Variants in PLEKHH2 observed in about 807,000 individuals in gnomAD.
The protein encoded by PLEKHH2 is pleckstrin homology, MyTH4 and FERM domain containing H2.
A neutral mutation model predicts 187.9 loss-of-function variants in PLEKHH2; 129 were observed. The observed-to-expected ratio is 0.69, with a 90% CI of 0.59 to 0.79. The LOEUF is 0.79. PLEKHH2 is among the 30% of genes least tolerant of loss of function. The pLI, the probability that PLEKHH2 is intolerant of heterozygous loss-of-function variation, is 0.00. For synonymous variants in PLEKHH2, 686 were observed against 605.6 expected, an observed-to-expected ratio of 1.13 and a Z score of -1.95; for missense variants, 2,076 against 1,751.2, an observed-to-expected ratio of 1.19 and a Z score of -3.31.
At position 43,738,197 on chromosome 2, in the gene PLEKHH2, A is replaced by T. The variant is rs1352671080; in HGVS notation, c.2944-144A>T. 4.8e-6 allele frequency: 3 copies of T among 619,346 alleles called. No individual in the cohort carries two copies. In the East Asian group the frequency reaches 9.0e-5, roughly 18 times the overall value. The allele number at this position is 619,346 out of a possible 1,614,324, so 38.4% of individuals were successfully genotyped here. On this transcript the variant is annotated intron_variant, in intron 19 of 29. Coordinates refer to ENST00000282406, the MANE Select transcript of PLEKHH2 (RefSeq NM_172069.4). ...TCTGCTATTATTGTGGCGATTCCAG[A>T]TTTCTTTTGATTAGTGTTATCATAA...
intron 4 of PLEKHH2, among the ~76,000 whole-genome samples, chr2:43,694,080 C>T (rs529328132): frequency 6.6e-6 from 1 of 152,134 alleles, no homozygotes; most frequent in Admixed American, 6.5e-5. Context: ...AGCCATGCCC[C>T]TAAGGAGAGT....
intron 4 of PLEKHH2, 81 bp from the exon 5 acceptor site, chr2:43,694,350 A>G: frequency 2.1e-6 from 3 of 1,412,460 alleles, no homozygotes; most frequent in Non-Finnish European, 2.8e-6. Context: ...TTAAGTGGAT[A>G]TGCCTTGTAT....
chr2:43,710,788 C>G (rs1669927350), intron 14 of PLEKHH2: 5 of 1,335,894 alleles, frequency 3.7e-6, no homozygotes, highest in Non-Finnish European at 4.8e-6. Context: ...TCCCACCACA[C>G]TTTACCTTTC....
At position 43,645,044 on chromosome 2, in the gene PLEKHH2, A is replaced by T. The variant is rs75393496; in HGVS notation, c.123+248A>T. ...GGTGAATGTAGAGTTCATTCATTCC[A>T]GAGAGAAAGCTATAATTTATTTGAT... On this transcript the variant is annotated intron_variant, in intron 2 of 29. Transcript: ENST00000282406. Among the ~76,000 whole-genome samples the T allele has an allele frequency of 6.6e-3, 1,002 of 152,250 alleles. 13 individuals are homozygous for T. Among genetic ancestry groups the T allele is most frequent in the African/African-American group, 0.023 (937 of 41,564 alleles).
intron 26 of PLEKHH2, 130 bp downstream of exon 26, chr2:43,757,394 C>T: frequency 1.5e-6 from 1 of 675,832 alleles, no homozygotes; most frequent in Non-Finnish European, 2.2e-6. Flanking sequence ...ATGATTGAGC[C>T]ACAGGAGATT....
intron 25 of PLEKHH2, among the ~76,000 whole-genome samples, chr2:43,756,664 C>G (rs10166627): frequency 0.018 from 2,790 of 152,106 alleles, 75 homozygotes; most frequent in African/African-American, 0.064. Flanking sequence ...AGAATTCAAG[C>G]CAGGCGGTGG....
intron 14 of PLEKHH2, chr2:43,710,907 A>T (rs886080787): frequency 3.7e-6 from 4 of 1,080,258 alleles, no homozygotes; most frequent in Non-Finnish European, 4.5e-6. Flanking sequence ...TCTCAATAAG[A>T]TGTTAGTTAT....
chr2:43,701,998 A>T (rs975241201), intron 8 of PLEKHH2, among the ~76,000 whole-genome samples: 1 of 152,124 alleles, frequency 6.6e-6, no homozygotes, highest in Non-Finnish European at 1.5e-5. Flanking sequence ...TGAATGCCTG[A>T]CTTCAGGTGA....
intron 2 of PLEKHH2, chr2:43,676,372 GGTCCTGGGGTCCCGCGCCTT>G: frequency 6.9e-7 from 1 of 1,442,936 alleles, no homozygotes; most frequent in South Asian, 1.4e-5. Context: ...CCTGGGACCG[GGTCCTGGGGTCCCGCGCCTT>G]CCGGAGCTGG....
intron 21 of PLEKHH2, 92 bp downstream of exon 21, chr2:43,741,135 T>C: frequency 8.7e-7 from 1 of 1,155,518 alleles, no homozygotes; most frequent in Non-Finnish European, 1.2e-6. Context: ...AGGTACATTT[T>C]CAGAAGAATG....
Position 43,757,281 on chromosome 2 carries a change from A to G in PLEKHH2, c.3941+17A>G, listed in dbSNP as rs760583544. On this transcript the variant is annotated intron_variant, in intron 26 of 29. Coordinates refer to ENST00000282406, the MANE Select transcript of PLEKHH2 (RefSeq NM_172069.4). ...GCAGTTAAGGTAAGGAAATCTTTGTAACTCTTTATAGGGTAGGGTCATACT... is the reference window on the plus strand; with the variant it reads ...GCAGTTAAGGTAAGGAAATCTTTGTGACTCTTTATAGGGTAGGGTCATACT... The G allele has an allele frequency of 6.5e-7, 1 of 1,533,152 alleles. No homozygotes were observed. Among genetic ancestry groups the G allele is most frequent in the Non-Finnish European group, 8.7e-7 (1 of 1,145,602 alleles). The allele number at this position is 1,533,152 out of a possible 1,614,324, so 95.0% of individuals were successfully genotyped here.
In PLEKHH2 at chr2:43,676,367, G is replaced by C. The variant is rs115406269; in HGVS notation, c.124-2496G>C. 2,767 of 1,493,652 alleles carry C rather than the reference G, an allele frequency of 1.9e-3. 61 individuals carry two copies. The African/African-American group carries it at 0.035, about 19-fold the overall frequency. The allele number at this position is 1,493,652 out of a possible 1,614,324, so 92.5% of individuals were successfully genotyped here. On this transcript the variant is annotated intron_variant, in intron 2 of 29. Transcript: ENST00000282406. ...TGTGCCAGGGTCAAAGGCAGCCTGGGACCGGGTCCTGGGGTCCCGCGCCTT... is the reference window on the plus strand; with the variant it reads ...TGTGCCAGGGTCAAAGGCAGCCTGGCACCGGGTCCTGGGGTCCCGCGCCTT...
intron 24 of PLEKHH2, among the ~76,000 whole-genome samples, chr2:43,748,685 C>A (rs1243527473): frequency 1.3e-5 from 2 of 152,216 alleles, no homozygotes; most frequent in Admixed American, 1.3e-4. Flanking sequence ...GCCTCTTGGC[C>A]TCAGCCTTTG....
intron 2 of PLEKHH2, 89 bp downstream of exon 2, chr2:43,644,885 T>G: frequency 7.5e-7 from 1 of 1,337,920 alleles, no homozygotes; most frequent in Non-Finnish European, 1.0e-6. Context: ...CTTTGGGGGT[T>G]TGATTTAATT....
At position 43,758,982 on chromosome 2, in the gene PLEKHH2, G is replaced by A. The variant is rs142844253; in HGVS notation, c.4024G>A (p.Val1342Ile). Residue 1342 changes from valine (V) to isoleucine (I), a missense_variant, in exon 27 of 30, where the codon GTA (valine) becomes ATA (isoleucine). By Grantham distance (29) the Val-to-Ile change is conservative (BLOSUM62 3). Transcript: ENST00000282406. ...TGACTGTGTGCGCATTTATTTGACA[G>A]TAGCCAGGAAGTGGCCATTCTTTGG... ...AADCVRIYLTVARKWPFFGAK... is the reference protein window; with the variant it reads ...AADCVRIYLTIARKWPFFGAK... 87 of 1,612,956 alleles carry A rather than the reference G, an allele frequency of 5.4e-5. No individual in the cohort carries two copies. The African/African-American group carries it at 9.5e-4, about 18-fold the overall frequency.
intron 16 of PLEKHH2, among the ~76,000 whole-genome samples, chr2:43,726,035 T>C (rs1306844589): frequency 6.7e-6 from 1 of 150,164 alleles, no homozygotes; most frequent in Non-Finnish European, 1.5e-5. Context: ...GAAGGATCCC[T>C]GAAGCCCAGG....
chr2:43,678,121 G>A (rs1667952950), intron 2 of PLEKHH2, among the ~76,000 whole-genome samples: 1 of 151,448 alleles, frequency 6.6e-6, no homozygotes, highest in Non-Finnish European at 1.5e-5. Flanking sequence ...CGGGCGGCGG[G>A]GCAGAGGCGC....
chr2:43,729,643 T>C lies in PLEKHH2; in HGVS notation c.2728T>C (p.Trp910Arg), dbSNP rs1670941733. Reference sequence around the variant, plus strand: ...AATATGTTCTGGTTTTAAGGACACTTGGCTTTATCATCTGACTGTTGCAGC... The same window carrying C: ...AATATGTTCTGGTTTTAAGGACACTCGGCTTTATCATCTGACTGTTGCAGC... Reference protein sequence around the residue: ...LIGSKHEKDTWLYHLTVAAGS... With the variant: ...LIGSKHEKDTRLYHLTVAAGS... The change falls in exon 18 of 30, where the codon TGG becomes CGG. Residue 910 changes from tryptophan to arginine, a missense_variant. Coordinates refer to ENST00000282406, the MANE Select transcript of PLEKHH2 (RefSeq NM_172069.4). 6.3e-7 allele frequency: 1 copy of C among 1,592,628 alleles called. No individual in the cohort carries two copies. The highest frequency in any genetic ancestry group is 1.4e-5 in the African/African-American group (1 of 73,946).
At chr2:43,707,570 A>G (rs1246912635) in intron 11 of PLEKHH2, 25 bp downstream of exon 11, 1 of 1,612,864 alleles carries the variant, frequency 6.2e-7, no homozygotes, top group South Asian at 1.1e-5. Context: ...CAGGCATATG[A>G]GGCAACTCCA....
Sources: gnomAD v4.1 joint callset for allele counts (sites outside exome capture counted in the v4.1 genomes callset) on GRCh38, gnomAD v4.1.1 for gene constraint, MANE v1.5 for transcripts, NCBI Gene and HGNC (gene_info 2026-07-23, HGNC 2026-07-21) for gene names.